Variants in FRMPD4 observed in about 807,000 individuals in gnomAD.
FRMPD4 encodes the protein FERM and PDZ domain-containing protein 4.
A neutral mutation model predicts 94.1 loss-of-function variants in FRMPD4; 22 were observed. That is an observed-to-expected ratio of 0.23 (90% confidence interval 0.17 to 0.33). The LOEUF is 0.33. Ranked by LOEUF, FRMPD4 falls within the 10% of genes least tolerant of loss-of-function variation. The pLI is 1.00. For synonymous variants in FRMPD4, 631 were observed against 548.6 expected, an observed-to-expected ratio of 1.15 and a Z score of -2.10; for missense variants, 1,111 against 1,339.9, an observed-to-expected ratio of 0.83 and a Z score of 2.67.
chrX:12,474,884 C>A (rs1202115195), intron 1 of FRMPD4, among the ~76,000 whole-genome samples: 1 of 111,422 alleles, frequency 9.0e-6, no homozygotes, highest in Non-Finnish European at 1.9e-5. Flanking sequence ...ACCAGAGGTA[C>A]AAGGAGGAGC....
intron 3 of FRMPD4, among the ~76,000 whole-genome samples, chrX:12,011,716 T>C: frequency 9.0e-6 from 1 of 111,471 alleles, no homozygotes; most frequent in Non-Finnish European, 1.9e-5. Flanking sequence ...ATTGTACTTT[T>C]TTTTAGGTGG....
At chrX:12,041,476 T>A (rs779622400) in intron 3 of FRMPD4, among the ~76,000 whole-genome samples, 8 of 111,251 alleles carry the variant, frequency 7.2e-5, no homozygotes, top group Non-Finnish European at 1.5e-4. Context: ...TTTGAATATG[T>A]CATATACTTC....
At chrX:12,269,820 A>G (rs1368286881) in intron 1 of FRMPD4, among the ~76,000 whole-genome samples, 1 of 112,266 alleles carries the variant, frequency 8.9e-6, no homozygotes, top group African/African-American at 3.2e-5. Flanking sequence ...GAAACTCTGC[A>G]TTAGAGACAG....
intron 3 of FRMPD4, among the ~76,000 whole-genome samples, chrX:11,896,417 C>A (rs1250359984): frequency 9.0e-6 from 1 of 110,953 alleles, no homozygotes; most frequent in East Asian, 2.8e-4. Flanking sequence ...GTGATTGGGT[C>A]ATGAGGGTAG....
At chrX:12,069,861 G>A (rs1447345622) in intron 3 of FRMPD4, among the ~76,000 whole-genome samples, 2 of 110,281 alleles carry the variant, frequency 1.8e-5, no homozygotes, top group Non-Finnish European at 3.8e-5. Context: ...TGGATCATGG[G>A]AATTGACTTC....
chrX:12,523,069 T>G (rs990390571), intron 2 of FRMPD4, among the ~76,000 whole-genome samples: 8 of 112,256 alleles, frequency 7.1e-5, no homozygotes, highest in African/African-American at 2.6e-4. Flanking sequence ...GGGACTTTGT[T>G]GTTGTTTTAT....
At chrX:11,948,135 A>G (rs1399836047) in intron 3 of FRMPD4, among the ~76,000 whole-genome samples, 2 of 109,111 alleles carry the variant, frequency 1.8e-5, no homozygotes, top group Non-Finnish European at 3.8e-5. Flanking sequence ...GAAACTCTAT[A>G]TAAGAGAAGG....
At chrX:12,053,372 AAG>A (rs1491247651) in intron 3 of FRMPD4, among the ~76,000 whole-genome samples, 1 of 71,067 alleles carries the variant, frequency 1.4e-5, no homozygotes, top group Non-Finnish European at 2.8e-5. Flanking sequence ...GAAAGAAAGA[AAG>A]AAAGAAAGAA....
At chrX:12,683,415 GA>G in intron 5 of FRMPD4, 67 bp from the exon 6 acceptor site, 1 of 574,915 alleles carries the variant, frequency 1.7e-6, no homozygotes, top group East Asian at 3.5e-5. Context: ...ACCTAAGATG[GA>G]AAACAACTGT....
chrX:12,200,348 A>T (rs372311232), intron 1 of FRMPD4, among the ~76,000 whole-genome samples: 4 of 112,015 alleles, frequency 3.6e-5, no homozygotes, highest in African/African-American at 1.3e-4. Flanking sequence ...GACCTCTTTC[A>T]CTGTAATAAT....
chrX:11,858,585 A>C (rs1254870222), intron 1 of FRMPD4, among the ~76,000 whole-genome samples: 1 of 110,797 alleles, frequency 9.0e-6, no homozygotes, highest in Non-Finnish European at 1.9e-5. Flanking sequence ...AGGATCAGGA[A>C]AAATAACTAC....
intron 3 of FRMPD4, among the ~76,000 whole-genome samples, chrX:11,928,001 T>G (rs1224532072): frequency 2.7e-5 from 3 of 112,208 alleles, no homozygotes; most frequent in Admixed American, 9.4e-5. Context: ...TTGCAAACTA[T>G]GTATCCAACA....
rs191440199 is a variant in FRMPD4 at position 12,545,866 on chromosome X, C to G, written c.158+47070C>G. ...TGGCTTAAGGGAAATTTGGAAAAACCAAGCTCATGTCCCAACCAGCAGCTC... is the reference window on the plus strand; with the variant it reads ...TGGCTTAAGGGAAATTTGGAAAAACGAAGCTCATGTCCCAACCAGCAGCTC... On this transcript the variant is annotated intron_variant, in intron 2 of 16. Coordinates refer to ENST00000675598, the MANE Select transcript of FRMPD4 (RefSeq NM_001368397.1). Among the ~76,000 whole-genome samples, 166 of 112,878 alleles carry G rather than the reference C, an allele frequency of 1.5e-3. 3 individuals are homozygous for G. The South Asian group carries it at 0.045, about 31-fold the overall frequency.
At chrX:11,861,418 C>T (rs1393359878) in intron 1 of FRMPD4, among the ~76,000 whole-genome samples, 1 of 108,985 alleles carries the variant, frequency 9.2e-6, no homozygotes, top group East Asian at 2.9e-4. Flanking sequence ...TCCTGCTTAT[C>T]TCATAAAATT....
At chrX:12,160,940 A>G (rs2056015047) in intron 1 of FRMPD4, among the ~76,000 whole-genome samples, 1 of 111,195 alleles carries the variant, frequency 9.0e-6, no homozygotes, top group South Asian at 3.8e-4. Flanking sequence ...TAATATTAAT[A>G]TTAGCATTAA....
intron 1 of FRMPD4, among the ~76,000 whole-genome samples, chrX:12,331,673 TAA>T (rs1291237644): frequency 1.3e-5 from 1 of 74,814 alleles, no homozygotes; most frequent in African/African-American, 5.5e-5. Flanking sequence ...TATAAATATA[TAA>T]ATTATATATT....
chrX:12,316,514 G>C (rs1394572500), intron 1 of FRMPD4, among the ~76,000 whole-genome samples: 1 of 111,883 alleles, frequency 8.9e-6, no homozygotes, highest in Non-Finnish European at 1.9e-5. Flanking sequence ...CTCAACCATT[G>C]TGTGTTTGAA....
rs2054639519 is a variant in FRMPD4, at chrX:12,022,922, A to G, written c.95+144904A>G. On this transcript the variant is annotated intron_variant, in intron 3 of 18. Coordinates refer to the FRMPD4 transcript ENST00000640291. ...TGCTGCCACTATCGATGTGACTTGA[A>G]ACCATCAGTTCAAATCTCATCTTGT... 4.5e-5 allele frequency among the ~76,000 whole-genome samples: 5 copies of G among 110,780 alleles called. No homozygotes were observed. In the South Asian group the frequency reaches 1.6e-3, roughly 35 times the overall value.
At chrX:11,895,211 C>G (rs1460745830) in intron 3 of FRMPD4, among the ~76,000 whole-genome samples, 1 of 111,885 alleles carries the variant, frequency 8.9e-6, no homozygotes, top group East Asian at 2.8e-4. Context: ...ATTGCAGGAT[C>G]TTTAGCAGCA....
Sources: allele counts gnomAD v4.1 joint callset (sites outside exome capture counted in the v4.1 genomes callset), GRCh38; gene constraint gnomAD v4.1.1; transcripts MANE v1.5; gene names NCBI Gene and HGNC (gene_info 2026-07-23, HGNC 2026-07-21).